The following TENM2 variants were observed in gnomAD, a reference collection of about 807,000 sequenced individuals.
TENM2 encodes teneurin transmembrane protein 2.
A neutral mutation model predicts 245.2 loss-of-function variants in TENM2; 52 were observed. The observed-to-expected ratio is 0.21, with a 90% CI of 0.17 to 0.27. The LOEUF is 0.27. TENM2 is among the 10% of genes least tolerant of loss of function. The pLI is 1.00. For missense variants in TENM2, 3,046 were observed against 3,666.8 expected, an observed-to-expected ratio of 0.83 and a Z score of 4.37; for synonymous variants, 1,363 against 1,438.9, an observed-to-expected ratio of 0.95 and a Z score of 1.19.
rs141212927 is a variant in TENM2, at chr5:167,312,638, T to A, written c.226+27575T>A. ...GATTTCTGATTCCTATGGGAAAAAT[T>A]GGTCTTATGTGAAAATTAAACTCAG... On this transcript the variant is annotated intron_variant, in intron 1 of 28. Transcript: ENST00000518659. 8.2e-3 allele frequency among the ~76,000 whole-genome samples: 1,256 copies of A among 152,268 alleles called. 16 individuals are homozygous for A. The highest frequency in any genetic ancestry group is 0.02 in the Middle Eastern group (6 of 294).
intron 2 of TENM2, among the ~76,000 whole-genome samples, chr5:167,754,353 C>G (rs1283297524): frequency 6.6e-6 from 1 of 152,070 alleles, no homozygotes; most frequent in Non-Finnish European, 1.5e-5. Flanking sequence ...GAGAACTGAC[C>G]CCATTTCACA....
At chr5:168,132,837 C>T (rs896403053) in intron 12 of TENM2, among the ~76,000 whole-genome samples, 1 of 152,184 alleles carries the variant, frequency 6.6e-6, no homozygotes, top group Non-Finnish European at 1.5e-5. Context: ...TGACTCTGGG[C>T]TTTCACAATA....
At chr5:167,953,154 A>AAATATAAATT in intron 4 of TENM2, among the ~76,000 whole-genome samples, 1 of 152,248 alleles carries the variant, frequency 6.6e-6, no homozygotes, top group Non-Finnish European at 1.5e-5. Context: ...AAAGCTGCTG[A>AAATATAAATT]TAAATTATGC....
the TENM2 span, among the ~76,000 whole-genome samples, chr5:167,266,530 A>G: frequency 6.6e-6 from 1 of 152,218 alleles, no homozygotes. Context: ...ACACAAGGAG[A>G]TAACATGTAT....
intron 2 of TENM2, among the ~76,000 whole-genome samples, chr5:167,628,442 G>A (rs1197671513): frequency 3.3e-5 from 5 of 152,098 alleles, no homozygotes; most frequent in African/African-American, 1.2e-4. Context: ...TTCCCTCGTG[G>A]TATTATGCTT....
chr5:168,138,197 C>A (rs1423770550), intron 12 of TENM2, among the ~76,000 whole-genome samples: 1 of 152,168 alleles, frequency 6.6e-6, no homozygotes, highest in Non-Finnish European at 1.5e-5. Context: ...TTCAAATCCA[C>A]CTTCCATCAC....
chr5:167,945,262 T>C (rs1444964736), intron 3 of TENM2, among the ~76,000 whole-genome samples: 3 of 151,950 alleles, frequency 2.0e-5, no homozygotes, highest in Non-Finnish European at 4.4e-5. Flanking sequence ...CCAAAAATAA[T>C]ATAAAACCAT....
At chr5:167,600,113 G>C (rs1235135351) in intron 2 of TENM2, among the ~76,000 whole-genome samples, 1 of 24,656 alleles carries the variant, frequency 4.1e-5, no homozygotes, top group East Asian at 1.3e-3. Flanking sequence ...GTGGAACTCA[G>C]AGGAGAAAAA....
chr5:167,297,974 G>A lies in TENM2; in HGVS notation c.226+12911G>A, dbSNP rs574465523. 6.6e-3 allele frequency among the ~76,000 whole-genome samples: 1,001 copies of A among 151,938 alleles called. 4 individuals carry two copies. The highest frequency in any genetic ancestry group is 0.014 in the Middle Eastern group (4 of 292). ...AATGTCATCAGTTAAGGCAGGAACC[G>A]GCCATCTGGATGTGTACGTGCAGGT... On this transcript the variant is annotated intron_variant, in intron 1 of 28. Coordinates refer to ENST00000518659, the Ensembl canonical transcript of TENM2.
At chr5:167,524,266 C>G (rs990850949) in intron 2 of TENM2, among the ~76,000 whole-genome samples, 5 of 152,040 alleles carry the variant, frequency 3.3e-5, no homozygotes, top group Non-Finnish European at 7.4e-5. Context: ...TGTACAAGTT[C>G]ATAAACACCA....
chr5:167,703,000 A>G (rs925183307), intron 2 of TENM2, among the ~76,000 whole-genome samples: 15 of 152,118 alleles, frequency 9.9e-5, no homozygotes, highest in Non-Finnish European at 1.5e-4. Flanking sequence ...GCTTACACAC[A>G]CAACCTCTCT....
chr5:168,162,590 C>A (rs1435489621), intron 12 of TENM2, 21 bp from the exon 15 acceptor site: 9 of 1,611,396 alleles, frequency 5.6e-6, no homozygotes, highest in Non-Finnish European at 7.6e-6. Context: ...TCCTTCTCAT[C>A]CTCTCCATTT....
At chr5:167,670,168 T>C (rs1355963016) in intron 2 of TENM2, among the ~76,000 whole-genome samples, 1 of 152,174 alleles carries the variant, frequency 6.6e-6, no homozygotes, top group African/African-American at 2.4e-5. Context: ...AAATGCTCAG[T>C]GGAAAATTAT....
intron 3 of TENM2, among the ~76,000 whole-genome samples, chr5:167,898,636 T>G (rs968091087): frequency 6.6e-6 from 1 of 152,150 alleles, no homozygotes; most frequent in Non-Finnish European, 1.5e-5. Flanking sequence ...TGTACAGATA[T>G]TTAGTTGATT....
At chr5:167,704,353 T>C (rs1175165955) in intron 2 of TENM2, among the ~76,000 whole-genome samples, 1 of 152,156 alleles carries the variant, frequency 6.6e-6, no homozygotes, top group Admixed American at 6.5e-5. Flanking sequence ...AGAATTTTGT[T>C]TTTCTGAGAG....
At chr5:167,328,462 A>T (rs1241740120) in intron 1 of TENM2, among the ~76,000 whole-genome samples, 3 of 152,146 alleles carry the variant, frequency 2.0e-5, no homozygotes, top group Non-Finnish European at 4.4e-5. Flanking sequence ...CCCAAAGTGG[A>T]TTACAGGCGT....
chr5:167,707,929 G>A (rs900692756), intron 2 of TENM2, among the ~76,000 whole-genome samples: 6 of 152,196 alleles, frequency 3.9e-5, no homozygotes, highest in Admixed American at 1.3e-4. Flanking sequence ...AGAATATTAG[G>A]TATGGTTTAC....
In TENM2 at chr5:168,218,700, A is replaced by G. The variant is rs374329350; in HGVS notation, c.4809A>G (p.Gln1603=). Reference sequence around the variant, plus strand: ...TTTTCAACGCTGATGGCATCCACCAATACACTGTGAGCCTGGTGACAGGGG... The same window carrying G: ...TTTTCAACGCTGATGGCATCCACCAGTACACTGTGAGCCTGGTGACAGGGG... Residue 1603 remains glutamine, a synonymous_variant, in exon 23 of 29, where the codon CAA becomes CAG. Transcript: ENST00000518659. The surrounding 1 kb of genome is among the most constrained non-coding windows in gnomAD (Gnocchi z 5.2). 31 of 1,613,916 alleles carry G rather than the reference A, an allele frequency of 1.9e-5. No individual in the cohort carries two copies. The African/African-American group carries it at 3.9e-4, about 20-fold the overall frequency.
At chr5:167,287,811 T>G (rs1443590051) in intron 1 of TENM2, 1 of 152,360 alleles carries the variant, frequency 6.6e-6, no homozygotes. Flanking sequence ...TCTATTATGC[T>G]GGATCCTCCT....
Sources: gnomAD v4.1 joint callset for allele counts (sites outside exome capture counted in the v4.1 genomes callset) on GRCh38, gnomAD v4.1.1 for gene constraint, Gnocchi (gnomAD v3.1) non-coding constraint, MANE v1.5 for transcripts, NCBI Gene and HGNC (gene_info 2026-07-23, HGNC 2026-07-21) for gene names.